PTPRD: variants seen among roughly 807,000 people sequenced by gnomAD.
The protein encoded by PTPRD is receptor-type tyrosine-protein phosphatase delta.
PTPRD carries 34 observed loss-of-function variants against 214.5 expected under a neutral mutation model. That is an observed-to-expected ratio of 0.16 (90% CI 0.12 to 0.21). The LOEUF (loss-of-function observed/expected upper bound fraction) is 0.21, where lower values mean the gene tolerates loss of function less well. Ranked by LOEUF, PTPRD falls within the 10% of genes least tolerant of loss-of-function variation. The pLI, the probability that PTPRD is intolerant of heterozygous loss-of-function variation, is 1.00. For missense variants in PTPRD, 2,545 were observed against 2,398.7 expected (o/e 1.06, Z -1.27); for synonymous variants, 1,128 against 845.7 (o/e 1.33, Z -5.79).
intron 11 of PTPRD, among the ~76,000 whole-genome samples, chr9:8,916,138 T>C (rs1050875965): frequency 1.3e-5 from 2 of 152,134 alleles, no homozygotes; most frequent in Non-Finnish European, 2.9e-5. Context: ...AGTGGAATTA[T>C]CAATGGATAT....
Position 9,688,910 on chromosome 9 carries a change from G to A in PTPRD, c.-287+45623C>T, listed in dbSNP as rs564313919. On this transcript the variant is annotated intron_variant, in intron 7 of 45. Transcript: ENST00000381196. ...TGATATATCCTGAATACTAATAGAT[G>A]GATATGTGAATGGCTAGCTAGGTAA... 5.3e-5 allele frequency among the ~76,000 whole-genome samples: 8 copies of A among 151,638 alleles called. No individual in the cohort carries two copies. The East Asian group carries it at 1.6e-3, about 29-fold the overall frequency.
In PTPRD at chr9:9,297,174, C is replaced by T. The variant is rs535078827; in HGVS notation, c.-203+100275G>A. Among the ~76,000 whole-genome samples, 29 of 151,776 alleles carry T rather than the reference C, an allele frequency of 1.9e-4. No individual in the cohort carries two copies. The South Asian group carries it at 5.8e-3, about 30-fold the overall frequency. On this transcript the variant is annotated intron_variant, in intron 9 of 45. Transcript: ENST00000381196. Reference sequence around the variant, plus strand: ...GAAATTTCCCCTTTATCTCCAGAGCCTCTTGGTCTTGTATCAAAGATTCAG... The same window carrying T: ...GAAATTTCCCCTTTATCTCCAGAGCTTCTTGGTCTTGTATCAAAGATTCAG...
At position 8,712,498 on chromosome 9, in the gene PTPRD, G is replaced by C. The variant is rs79642990; in HGVS notation, c.64+21282C>G. 6.7e-3 allele frequency among the ~76,000 whole-genome samples: 1,020 copies of C among 151,678 alleles called. 12 individuals are homozygous for C. The highest frequency in any genetic ancestry group is 0.047 in the East Asian group (240 of 5,142). On this transcript the variant is annotated intron_variant, in intron 12 of 45. Coordinates refer to ENST00000381196, the MANE Select transcript of PTPRD (RefSeq NM_002839.4). ...AGCTGGGCAGGATGAGCATGTAAAGGCTTCTTCAAAGTGTGAAAGTGGACA... is the reference window on the plus strand; with the variant it reads ...AGCTGGGCAGGATGAGCATGTAAAGCCTTCTTCAAAGTGTGAAAGTGGACA...
At chr9:9,590,777 C>A (rs1293957181) in intron 7 of PTPRD, among the ~76,000 whole-genome samples, 2 of 151,990 alleles carry the variant, frequency 1.3e-5, no homozygotes, top group Non-Finnish European at 2.9e-5. Context: ...TTCTCCCTTG[C>A]CTCCATTTGA....
At chr9:10,466,483 C>T (rs562426065) in intron 2 of PTPRD, among the ~76,000 whole-genome samples, 8 of 151,736 alleles carry the variant, frequency 5.3e-5, no homozygotes, top group Non-Finnish European at 7.4e-5. Context: ...ATTGACCAGG[C>T]GTGGTGGCGC....
intron 2 of PTPRD, among the ~76,000 whole-genome samples, chr9:10,487,612 A>G (rs1002011549): frequency 3.3e-5 from 5 of 152,116 alleles, no homozygotes; most frequent in African/African-American, 1.2e-4. Context: ...AGAGAAGACC[A>G]AATACGGCAT....
chr9:8,719,998 GT>G (rs2098475302), intron 12 of PTPRD, among the ~76,000 whole-genome samples: 1 of 152,152 alleles, frequency 6.6e-6, no homozygotes. Flanking sequence ...ATCACCATGT[GT>G]TTCAGCTATT....
At chr9:10,537,871 T>C (rs1441178718) in intron 2 of PTPRD, among the ~76,000 whole-genome samples, 1 of 152,080 alleles carries the variant, frequency 6.6e-6, no homozygotes, top group Admixed American at 6.6e-5. Flanking sequence ...TCAGCACCCT[T>C]ATAGTGTAAC....
intron 35 of PTPRD, among the ~76,000 whole-genome samples, chr9:8,410,206 T>C (rs1218164325): frequency 1.3e-5 from 2 of 152,232 alleles, no homozygotes; most frequent in East Asian, 1.9e-4. Flanking sequence ...AAGCCTGCAA[T>C]TGGCATAATG....
chr9:10,149,551 C>T (rs1055610431), intron 3 of PTPRD, among the ~76,000 whole-genome samples: 1 of 152,138 alleles, frequency 6.6e-6, no homozygotes, highest in Non-Finnish European at 1.5e-5. Flanking sequence ...GTGTACACCA[C>T]TTACTCGTAC....
At chr9:8,703,123 G>A (rs1479209635) in intron 12 of PTPRD, among the ~76,000 whole-genome samples, 1 of 152,156 alleles carries the variant, frequency 6.6e-6, no homozygotes, top group Non-Finnish European at 1.5e-5. Flanking sequence ...AAAAGTACTT[G>A]GGGATTATAC....
intron 4 of PTPRD, among the ~76,000 whole-genome samples, chr9:9,979,630 T>G (rs2095473034): frequency 6.6e-6 from 1 of 152,152 alleles, no homozygotes; most frequent in African/African-American, 2.4e-5. Flanking sequence ...ATAAGAATTT[T>G]ACCTGAAATA....
At chr9:9,960,559 G>T (rs1266009612) in intron 4 of PTPRD, among the ~76,000 whole-genome samples, 1 of 152,078 alleles carries the variant, frequency 6.6e-6, no homozygotes, top group African/African-American at 2.4e-5. Context: ...TAGCATGATA[G>T]CATGTACTTT....
chr9:8,823,374 T>G (rs2097110326), intron 11 of PTPRD, among the ~76,000 whole-genome samples: 1 of 152,158 alleles, frequency 6.6e-6, no homozygotes, highest in Admixed American at 6.5e-5. Flanking sequence ...CAGAATCATG[T>G]AATACATAGC....
intron 10 of PTPRD, among the ~76,000 whole-genome samples, chr9:9,090,344 C>T (rs969385294): frequency 3.3e-5 from 5 of 152,030 alleles, no homozygotes; most frequent in Non-Finnish European, 7.4e-5. Flanking sequence ...TTTCAATTAA[C>T]ATAATGACCT....
intron 39 of PTPRD, among the ~76,000 whole-genome samples, chr9:8,373,417 A>T (rs1441257605): frequency 1.3e-5 from 2 of 151,986 alleles, no homozygotes; most frequent in Non-Finnish European, 2.9e-5. Flanking sequence ...CGAAGTTGCT[A>T]ACAAATTTCT....
chr9:10,542,334 G>C (rs989316040), intron 2 of PTPRD, among the ~76,000 whole-genome samples: 3 of 152,036 alleles, frequency 2.0e-5, no homozygotes, highest in Non-Finnish European at 1.5e-5. Context: ...TCCACTTGTT[G>C]CTTGGCTTTA....
intron 7 of PTPRD, among the ~76,000 whole-genome samples, chr9:9,582,950 T>A (rs1324522436): frequency 6.6e-6 from 1 of 152,112 alleles, no homozygotes; most frequent in Non-Finnish European, 1.5e-5. Flanking sequence ...AATTTCATTA[T>A]ACAATTGAAA....
At chr9:9,982,278 C>T (rs557071020) in intron 4 of PTPRD, among the ~76,000 whole-genome samples, 2 of 152,078 alleles carry the variant, frequency 1.3e-5, no homozygotes, top group Admixed American at 1.3e-4. Flanking sequence ...CCACAAGGAC[C>T]AAACAACACC....
Sources: allele counts gnomAD v4.1 joint callset (sites outside exome capture counted in the v4.1 genomes callset), GRCh38; gene constraint gnomAD v4.1.1; transcripts MANE v1.5; gene names NCBI Gene and HGNC (gene_info 2026-07-23, HGNC 2026-07-21).